Variants in FGF14 observed in about 807,000 individuals in gnomAD.
The protein encoded by FGF14 is fibroblast growth factor 14.
In FGF14, 5 loss-of-function variants were observed where a neutral mutation model predicts 25.5. The ratio of observed to expected loss-of-function variants is 0.20; its 90% CI spans 0.10 to 0.41. The LOEUF (loss-of-function observed/expected upper bound fraction) is 0.41. FGF14 is among the 10% of genes least tolerant of loss of function. The probability of loss-of-function intolerance (pLI) is 1.00; values close to 1 mark genes in which losing one functional copy is unlikely to be tolerated. For synonymous variants in FGF14, 138 were observed against 118.3 expected (o/e 1.17, Z -1.08); for missense variants, 222 against 320.1 (o/e 0.69, Z 2.34).
intron 1 of FGF14, among the ~76,000 whole-genome samples, chr13:102,164,999 G>T (rs994750607): frequency 6.6e-6 from 1 of 152,026 alleles, no homozygotes; most frequent in Non-Finnish European, 1.5e-5. Flanking sequence ...ATAGTGAGGG[G>T]ATTTTTCAGC....
intron 1 of FGF14, among the ~76,000 whole-genome samples, chr13:101,986,801 T>G (rs920125379): frequency 6.6e-6 from 1 of 152,038 alleles, no homozygotes; most frequent in African/African-American, 2.4e-5. Context: ...CCAAAATCTA[T>G]TCATGTTTAA....
chr13:102,152,750 T>A (rs1275703062), intron 1 of FGF14, among the ~76,000 whole-genome samples: 1 of 152,214 alleles, frequency 6.6e-6, no homozygotes, highest in Non-Finnish European at 1.5e-5. Flanking sequence ...AATTTTTACA[T>A]GTTAAAAAAT....
chr13:102,160,530 C>A (rs1465616048), intron 1 of FGF14, among the ~76,000 whole-genome samples: 1 of 152,104 alleles, frequency 6.6e-6, no homozygotes, highest in Admixed American at 6.6e-5. Flanking sequence ...AAATCTTAGC[C>A]TTATCTGATG....
At chr13:102,225,945 A>C (rs1014648833) in intron 1 of FGF14, among the ~76,000 whole-genome samples, 7 of 152,148 alleles carry the variant, frequency 4.6e-5, no homozygotes, top group African/African-American at 1.7e-4. Flanking sequence ...ATATTTATTC[A>C]TTGTTTCAAT....
At chr13:102,121,100 G>A (rs945297535) in intron 1 of FGF14, among the ~76,000 whole-genome samples, 6 of 152,242 alleles carry the variant, frequency 3.9e-5, no homozygotes, top group Admixed American at 2.6e-4. Context: ...ATTCCAAATC[G>A]TTAGTCCCTA....
intron 2 of FGF14, among the ~76,000 whole-genome samples, chr13:101,872,565 T>A (rs1383507429): frequency 2.6e-5 from 4 of 151,998 alleles, no homozygotes; most frequent in African/African-American, 7.2e-5. Flanking sequence ...TGTCTTTAAA[T>A]TCATCCTAAG....
intron 1 of FGF14, among the ~76,000 whole-genome samples, chr13:102,248,015 CACTT>C (rs1383387620): frequency 6.6e-6 from 1 of 152,048 alleles, no homozygotes; most frequent in Non-Finnish European, 1.5e-5. Context: ...TGCATGTTCT[CACTT>C]AGAAGTGGGA....
At chr13:101,834,715 G>A (rs750869564) in intron 3 of FGF14, among the ~76,000 whole-genome samples, 22 of 152,130 alleles carry the variant, frequency 1.4e-4, no homozygotes, top group African/African-American at 4.8e-4. Flanking sequence ...AAACAGATTG[G>A]TGAAGGTACT....
intron 1 of FGF14, among the ~76,000 whole-genome samples, chr13:102,382,008 C>T (rs1320900018): frequency 2.0e-5 from 3 of 152,126 alleles, no homozygotes; most frequent in South Asian, 2.1e-4. Context: ...AAACAGATCA[C>T]AGACCTATAT....
chr13:101,953,777 AC>A (rs1389780358), intron 1 of FGF14, among the ~76,000 whole-genome samples: 7 of 151,646 alleles, frequency 4.6e-5, no homozygotes, highest in Non-Finnish European at 8.8e-5. Context: ...TTTAGTAGAG[AC>A]GGGGTTTCAC....
intron 1 of FGF14, among the ~76,000 whole-genome samples, chr13:101,956,830 T>C (rs2036546467): frequency 6.8e-6 from 1 of 146,816 alleles, no homozygotes; most frequent in Non-Finnish European, 1.5e-5. Context: ...TATAAAGAAA[T>C]GTGGCTGAGA....
At chr13:101,894,795 G>A (rs1289897275) in intron 1 of FGF14, among the ~76,000 whole-genome samples, 2 of 152,142 alleles carry the variant, frequency 1.3e-5, no homozygotes, top group Non-Finnish European at 2.9e-5. Context: ...TAGCAATGGT[G>A]TCAGTAATTG....
At chr13:102,320,503 G>A (rs1000001695) in intron 1 of FGF14, among the ~76,000 whole-genome samples, 17 of 152,034 alleles carry the variant, frequency 1.1e-4, no homozygotes, top group African/African-American at 3.9e-4. Flanking sequence ...GGAAAATGGT[G>A]ACTAAACCAA....
rs114148350 is a variant in FGF14 at position 102,102,057 on chromosome 13, T to G, written c.209-226761A>C. On this transcript the variant is annotated intron_variant, in intron 1 of 4. Coordinates refer to the FGF14 transcript ENST00000376131. ...AGAGAAGGAAGTTGCCTAATACTTA[T>G]CCTACTCAGCATTCCTTCAAGGAAC... is the stretch of plus-strand genomic sequence containing the variant. 5.0e-3 allele frequency among the ~76,000 whole-genome samples: 764 copies of G among 152,264 alleles called. 14 individuals are homozygous for G. Among genetic ancestry groups the G allele is most frequent in the African/African-American group, 0.017 (723 of 41,538 alleles).
intron 1 of FGF14, among the ~76,000 whole-genome samples, chr13:102,327,611 G>T (rs1335909001): frequency 6.6e-6 from 1 of 152,162 alleles, no homozygotes; most frequent in African/African-American, 2.4e-5. Flanking sequence ...AAGGCAGGAA[G>T]ATCACTCAAA....
intron 1 of FGF14, among the ~76,000 whole-genome samples, chr13:102,129,336 T>C (rs1196559113): frequency 6.6e-6 from 1 of 152,160 alleles, no homozygotes; most frequent in Admixed American, 6.5e-5. Context: ...ACTGAGGACA[T>C]TGACTAAACT....
intron 1 of FGF14, among the ~76,000 whole-genome samples, chr13:102,079,986 G>T (rs567531845): frequency 4.0e-4 from 61 of 152,252 alleles, no homozygotes; most frequent in African/African-American, 1.4e-3. Context: ...GTAATAGCTG[G>T]AGCAGAGTGA....
intron 1 of FGF14, among the ~76,000 whole-genome samples, chr13:102,391,015 G>A (rs1212961539): frequency 1.3e-5 from 2 of 152,182 alleles, no homozygotes. Context: ...AGTTCAGACA[G>A]ATGTTTCTCA....
At chr13:101,966,761 G>A (rs768757536) in intron 1 of FGF14, among the ~76,000 whole-genome samples, 2 of 152,040 alleles carry the variant, frequency 1.3e-5, no homozygotes, top group African/African-American at 2.4e-5. Flanking sequence ...GATTACAGGC[G>A]TCAGCCACCG....
Sources: allele counts gnomAD v4.1 joint callset (sites outside exome capture counted in the v4.1 genomes callset), GRCh38; gene constraint gnomAD v4.1.1; transcripts MANE v1.5; gene names NCBI Gene and HGNC (gene_info 2026-07-23, HGNC 2026-07-21).